Variants in LARGE1 observed in about 807,000 individuals in gnomAD.
LARGE1 encodes xylosyl- and glucuronyltransferase LARGE1.
A neutral mutation model predicts 87.6 loss-of-function variants in LARGE1; 43 were observed. The observed-to-expected ratio is 0.49, with a 90% CI of 0.38 to 0.63. The LOEUF (loss-of-function observed/expected upper bound fraction) is 0.63, where lower values mean the gene tolerates loss of function less well. LARGE1 is among the 30% of genes least tolerant of loss of function. LARGE1 has a pLI of 0.00. For synonymous variants in LARGE1, 434 were observed against 394.6 expected (o/e 1.10, Z -1.18); for missense variants, 802 against 1,000.2 (o/e 0.80, Z 2.67).
intron 1 of LARGE1, among the ~76,000 whole-genome samples, chr22:33,892,422 A>C (rs1364707315): frequency 1.3e-5 from 2 of 152,234 alleles, no homozygotes; most frequent in Non-Finnish European, 2.9e-5. Flanking sequence ...CATAGGCTTA[A>C]AACTGGCATA....
intron 7 of LARGE1, among the ~76,000 whole-genome samples, chr22:33,414,610 T>G (rs1452435881): frequency 6.6e-6 from 1 of 152,230 alleles, no homozygotes; most frequent in Admixed American, 6.5e-5. Context: ...ATCTGTAGCC[T>G]TTTATCTTAT....
chr22:33,200,301 C>A (rs1338954260), intron 11 of LARGE1, among the ~76,000 whole-genome samples: 1 of 152,134 alleles, frequency 6.6e-6, no homozygotes, highest in Non-Finnish European at 1.5e-5. Context: ...TGAGATATTA[C>A]TTTACATCCA....
chr22:33,820,807 C>A (rs1002251824), intron 1 of LARGE1, among the ~76,000 whole-genome samples: 6 of 152,152 alleles, frequency 3.9e-5, no homozygotes, highest in African/African-American at 1.4e-4. Flanking sequence ...CACACTTGCC[C>A]TTTTCTTCTA....
At chr22:33,812,395 T>C (rs1386150791) in intron 1 of LARGE1, among the ~76,000 whole-genome samples, 1 of 152,252 alleles carries the variant, frequency 6.6e-6, no homozygotes, top group Admixed American at 6.5e-5. Flanking sequence ...TAATGTCTTC[T>C]ATTCGTTACT....
At chr22:33,858,096 C>T (rs944071669) in intron 1 of LARGE1, among the ~76,000 whole-genome samples, 3 of 152,294 alleles carry the variant, frequency 2.0e-5, no homozygotes, top group South Asian at 2.1e-4. Flanking sequence ...CCACGAGTCA[C>T]GGAAGAGAAC....
downstream of LARGE1, among the ~76,000 whole-genome samples, chr22:33,157,790 TA>T (rs1343102500): frequency 3.3e-5 from 5 of 152,138 alleles, no homozygotes; most frequent in Admixed American, 1.3e-4. Context: ...ATAAAAATAA[TA>T]CATTACTTTT....
the LARGE1 span, among the ~76,000 whole-genome samples, chr22:33,127,911 G>A: frequency 3.3e-5 from 5 of 152,200 alleles, no homozygotes; most frequent in Admixed American, 3.3e-4. Context: ...GGCACTGTAA[G>A]TTAATGTTGT....
intron 9 of LARGE1, among the ~76,000 whole-genome samples, chr22:33,356,510 G>A (rs1940908041): frequency 6.6e-6 from 1 of 152,212 alleles, no homozygotes; most frequent in Non-Finnish European, 1.5e-5. Context: ...GGTGGCTCAT[G>A]CCTGTAATCC....
At chr22:33,399,780 C>T (rs2065876418) in intron 7 of LARGE1, among the ~76,000 whole-genome samples, 1 of 152,128 alleles carries the variant, frequency 6.6e-6, no homozygotes, top group Admixed American at 6.5e-5. Flanking sequence ...GATCTCCTGA[C>T]CTCGTGATCT....
rs765312193 is a variant in LARGE1 at position 33,604,557 on chromosome 22, G to A, written c.493C>T (p.Arg165Trp). 5.6e-6 allele frequency: 9 copies of A among 1,614,020 alleles called. No individual in the cohort carries two copies. Among genetic ancestry groups the A allele is most frequent in the Non-Finnish European group, 6.8e-6 (8 of 1,179,948 alleles). The part of the protein sequence containing the change: ...TLVKSVLFHR[R>W]NPLHFHLIAD... ...ATAAGGTGGAAGTGCAGAGGGTTCC[G>A]TCTGTGGGGAGTGTGAGAAGGAAGG... The change falls in exon 5 of 15, where the codon CGG becomes TGG. Residue 165 changes from arginine to tryptophan, a missense_variant and splice_region_variant. Arg to Trp is a moderately radical substitution (Grantham distance 101). This residue lies in a region of LARGE1 where 625 missense variants were observed against 841.9 expected (regional missense o/e 0.74). Coordinates refer to ENST00000397394, the MANE Select transcript of LARGE1 (RefSeq NM_133642.5).
intron 2 of LARGE1, among the ~76,000 whole-genome samples, chr22:33,689,055 T>C (rs1038106506): frequency 1.3e-5 from 2 of 151,998 alleles, no homozygotes; most frequent in Admixed American, 1.3e-4. Context: ...GCCAGTAAAT[T>C]AAAAGTTATA....
intron 9 of LARGE1, among the ~76,000 whole-genome samples, chr22:33,344,978 A>C (rs1009072225): frequency 2.6e-5 from 4 of 152,182 alleles, no homozygotes; most frequent in Non-Finnish European, 4.4e-5. Context: ...AATGCACCCA[A>C]AATAGATTTT....
intron 2 of LARGE1, among the ~76,000 whole-genome samples, chr22:33,664,735 A>G (rs1267246392): frequency 6.6e-6 from 1 of 152,188 alleles, no homozygotes; most frequent in Non-Finnish European, 1.5e-5. Flanking sequence ...ATGGTGGCAC[A>G]TGCCTATAGT....
At chr22:33,580,701 T>A (rs965242548) in intron 5 of LARGE1, among the ~76,000 whole-genome samples, 3 of 152,198 alleles carry the variant, frequency 2.0e-5, no homozygotes, top group African/African-American at 7.2e-5. Context: ...CAATAAGTAA[T>A]AGCAGCACAT....
intron 2 of LARGE1, among the ~76,000 whole-genome samples, chr22:33,653,660 G>A (rs1416697191): frequency 6.6e-6 from 1 of 152,188 alleles, no homozygotes; most frequent in East Asian, 1.9e-4. Flanking sequence ...CCCTTATTGG[G>A]AGGCGCTTGG....
intron 1 of LARGE1, among the ~76,000 whole-genome samples, chr22:33,871,174 T>C (rs1333095802): frequency 1.3e-5 from 2 of 152,256 alleles, no homozygotes; most frequent in Non-Finnish European, 2.9e-5. Flanking sequence ...GTGGTTTCCA[T>C]ACATCCCATT....
chr22:33,152,163 A>G, the LARGE1 span, among the ~76,000 whole-genome samples: 2 of 152,236 alleles, frequency 1.3e-5, no homozygotes, highest in African/African-American at 4.8e-5. Flanking sequence ...TCCAGGCCTC[A>G]TAATTTCCCT....
chr22:33,094,855 A>G, the LARGE1 span, among the ~76,000 whole-genome samples: 9 of 152,220 alleles, frequency 5.9e-5, no homozygotes, highest in African/African-American at 2.2e-4. Context: ...AGTAGCTAGA[A>G]TTACAGGCAT....
Position 33,719,581 on chromosome 22 carries a change from C to CA in LARGE1, c.106+41789dup. Among the ~76,000 whole-genome samples the CA allele has an allele frequency of 2.6e-5, 4 of 151,904 alleles. No homozygotes were observed. In the Middle Eastern group the frequency reaches 0.014, roughly 517 times the overall value. On this transcript the variant is annotated intron_variant, in intron 2 of 14. Coordinates refer to ENST00000397394, the MANE Select transcript of LARGE1 (RefSeq NM_133642.5). ...TGTCACCCAGGCTGGAGTGTAGTGG[C>CA]ACAGTCTCGGCTCATTGCAACCTCC...
Sources: gnomAD v4.1 joint callset for allele counts (sites outside exome capture counted in the v4.1 genomes callset) on GRCh38, gnomAD v4.1.1 for gene constraint, gnomAD v4.1.1 regional missense constraint, MANE v1.5 for transcripts, NCBI Gene and HGNC (gene_info 2026-07-23, HGNC 2026-07-21) for gene names.